The following NDST3 variants were observed in gnomAD, a reference collection of about 807,000 sequenced individuals.
NDST3 encodes N-deacetylase and N-sulfotransferase 3, also known as bifunctional heparan sulfate N-deacetylase/N-sulfotransferase 3.
Under a neutral mutation model 96.1 loss-of-function variants are expected in NDST3, and 58 were observed. The ratio of observed to expected loss-of-function variants is 0.60; its 90% CI spans 0.49 to 0.75. The LOEUF (loss-of-function observed/expected upper bound fraction) is 0.75. NDST3 is among the 30% of genes least tolerant of loss of function. The pLI, the probability that NDST3 is intolerant of heterozygous loss-of-function variation, is 0.00. For synonymous variants in NDST3, 333 were observed against 359.7 expected (o/e 0.93, Z 0.84); for missense variants, 788 against 1,034.2 (o/e 0.76, Z 3.27).
chr4:118,231,495 AAAT>A (rs1412711510), intron 8 of NDST3, among the ~76,000 whole-genome samples: 2 of 151,486 alleles, frequency 1.3e-5, no homozygotes, highest in Non-Finnish European at 2.9e-5. Flanking sequence ...TTAAGTAAAT[AAAT>A]AATAAAGAAA....
intron 6 of NDST3, among the ~76,000 whole-genome samples, chr4:118,174,059 G>A (rs1057481235): frequency 1.3e-5 from 2 of 152,168 alleles, no homozygotes; most frequent in Non-Finnish European, 2.9e-5. Context: ...AGATTTCTGT[G>A]CAACTGTGGT....
chr4:118,190,323 T>C (rs1385908548), intron 6 of NDST3, among the ~76,000 whole-genome samples: 1 of 152,132 alleles, frequency 6.6e-6, no homozygotes, highest in East Asian at 1.9e-4. Context: ...TTCTGTACAA[T>C]ATAAAAAAAG....
At chr4:118,233,257 G>A (rs1163875287) in intron 9 of NDST3, 122 bp downstream of exon 9, 2 of 830,082 alleles carry the variant, frequency 2.4e-6, no homozygotes, top group South Asian at 4.6e-5. Context: ...CTGTGCCTTG[G>A]AAATTGATTG....
intron 12 of NDST3, among the ~76,000 whole-genome samples, chr4:118,249,035 TAC>T (rs1012671465): frequency 1.3e-5 from 2 of 152,184 alleles, no homozygotes; most frequent in African/African-American, 4.8e-5. Context: ...AGGTGCCAGC[TAC>T]ACACACAGTT....
chr4:118,171,877 C>T (rs1423952876), intron 6 of NDST3, among the ~76,000 whole-genome samples: 2 of 152,102 alleles, frequency 1.3e-5, no homozygotes, highest in African/African-American at 4.8e-5. Flanking sequence ...GTGTCAGGAG[C>T]TCACAGCCAG....
chr4:118,170,295 GTGA>G (rs1735850384), intron 6 of NDST3, among the ~76,000 whole-genome samples: 1 of 152,190 alleles, frequency 6.6e-6, no homozygotes, highest in Non-Finnish European at 1.5e-5. Flanking sequence ...TTTCTTAGGT[GTGA>G]TGATGAGATT....
chr4:118,105,482 G>A (rs7671515), intron 3 of NDST3, among the ~76,000 whole-genome samples: 114,413 of 151,998 alleles, frequency 0.75, 45,709 homozygotes, highest in South Asian at 0.92. Context: ...TCTCAAAGAA[G>A]AGTAGTATTC....
chr4:118,241,455 T>C (rs1043851802), intron 11 of NDST3, among the ~76,000 whole-genome samples: 1 of 151,806 alleles, frequency 6.6e-6, no homozygotes, highest in African/African-American at 2.4e-5. Context: ...TGGCCTTTAA[T>C]CCTGGTCTCC....
chr4:118,071,710 T>G (rs964312294), intron 2 of NDST3, among the ~76,000 whole-genome samples: 3 of 152,190 alleles, frequency 2.0e-5, no homozygotes, highest in African/African-American at 7.2e-5. Flanking sequence ...TTGTGAATAG[T>G]GCTGCCATGA....
chr4:118,228,455 A>AATT (rs1337168046), intron 8 of NDST3, among the ~76,000 whole-genome samples: 3 of 152,314 alleles, frequency 2.0e-5, no homozygotes, highest in Non-Finnish European at 4.4e-5. Flanking sequence ...TAGATGGTAG[A>AATT]ATTATTACTT....
chr4:118,227,811 A>G (rs896142632), intron 8 of NDST3, among the ~76,000 whole-genome samples: 4 of 151,934 alleles, frequency 2.6e-5, no homozygotes, highest in African/African-American at 9.7e-5. Flanking sequence ...ACAGGGTTTC[A>G]CCGTGTTAGC....
At chr4:118,047,457 A>C (rs1262456926) in intron 1 of NDST3, among the ~76,000 whole-genome samples, 1 of 152,236 alleles carries the variant, frequency 6.6e-6, no homozygotes, top group Non-Finnish European at 1.5e-5. Flanking sequence ...GATGGCAAGA[A>C]AGGTTGAGAT....
intron 7 of NDST3, among the ~76,000 whole-genome samples, chr4:118,226,425 A>G (rs1739884460): frequency 6.6e-6 from 1 of 152,174 alleles, no homozygotes; most frequent in Non-Finnish European, 1.5e-5. Context: ...GTCTCTTTAG[A>G]TAGTAGTATT....
In NDST3 at chr4:118,251,212, C is replaced by T. The variant is rs372869727; in HGVS notation, c.2400-2287C>T. On this transcript the variant is annotated intron_variant, in intron 12 of 13. Transcript: ENST00000296499. ...CACAATCTCGGCTCACTGCAAGCTC[C>T]GCCTCCCGGGTTCACGCCATTCTCC... 1.5e-4 allele frequency among the ~76,000 whole-genome samples: 22 copies of T among 147,000 alleles called. No homozygotes were observed. In the East Asian group the frequency reaches 2.2e-3, roughly 15 times the overall value.
At chr4:118,101,746 C>T (rs1253460677) in intron 2 of NDST3, among the ~76,000 whole-genome samples, 3 of 152,066 alleles carry the variant, frequency 2.0e-5, no homozygotes, top group Non-Finnish European at 4.4e-5. Flanking sequence ...ACATTGTTGA[C>T]TGAAACATCA....
chr4:118,111,619 C>T (rs1391873185), intron 3 of NDST3, among the ~76,000 whole-genome samples: 1 of 151,212 alleles, frequency 6.6e-6, no homozygotes, highest in Non-Finnish European at 1.5e-5. Flanking sequence ...TCACTGCAAG[C>T]TCTGCCTCCC....
At chr4:118,135,321 C>T (rs1732985960) in intron 4 of NDST3, among the ~76,000 whole-genome samples, 1 of 151,932 alleles carries the variant, frequency 6.6e-6, no homozygotes, top group African/African-American at 2.4e-5. Flanking sequence ...AGAAAGAATC[C>T]CAAAATCTAC....
At chr4:118,251,288 G>A (rs1310201455) in intron 12 of NDST3, among the ~76,000 whole-genome samples, 7 of 150,924 alleles carry the variant, frequency 4.6e-5, no homozygotes, top group Middle Eastern at 3.4e-3. Context: ...CACCACGCCC[G>A]GCTAATTTTT....
chr4:118,135,604 G>A (rs978104759), intron 4 of NDST3, among the ~76,000 whole-genome samples: 2 of 152,156 alleles, frequency 1.3e-5, no homozygotes, highest in Admixed American at 1.3e-4. Context: ...AGAGCTCATA[G>A]GTCATTTGCC....
Sources: gnomAD v4.1 joint callset for allele counts (sites outside exome capture counted in the v4.1 genomes callset) on GRCh38, gnomAD v4.1.1 for gene constraint, MANE v1.5 for transcripts, NCBI Gene and HGNC (gene_info 2026-07-23, HGNC 2026-07-21) for gene names.